The following SNX29 variants were observed in gnomAD, a reference collection of about 807,000 sequenced individuals.
The protein encoded by SNX29 is sorting nexin-29.
Under a neutral mutation model 102.1 loss-of-function variants are expected in SNX29, and 78 were observed. That is an observed-to-expected ratio of 0.76 (90% CI 0.64 to 0.92). The LOEUF (loss-of-function observed/expected upper bound fraction) is 0.92, where lower values mean the gene tolerates loss of function less well. Ranked by LOEUF, SNX29 falls within the 40% of genes least tolerant of loss-of-function variation. The pLI is 0.00. For missense variants in SNX29, 1,280 were observed against 1,061.7 expected (o/e 1.21, Z -2.86); for synonymous variants, 580 against 414.5 (o/e 1.40, Z -4.85).
intron 15 of SNX29, among the ~76,000 whole-genome samples, chr16:12,351,424 C>T (rs545957276): frequency 1.3e-5 from 2 of 152,246 alleles, no homozygotes; most frequent in East Asian, 3.9e-4. Flanking sequence ...ATGTGACCCC[C>T]AAAGAGCCTC....
rs568696853 is a variant in SNX29 at position 12,513,477 on chromosome 16, A to G, written c.2179-11225A>G. Among the ~76,000 whole-genome samples the G allele has an allele frequency of 1.3e-4, 19 of 149,648 alleles. No individual in the cohort carries two copies. In the South Asian group the frequency reaches 4.0e-3, roughly 32 times the overall value. On this transcript the variant is annotated intron_variant, in intron 19 of 20. Transcript: ENST00000566228. Reference sequence around the variant, plus strand: ...CCTCTGCTCTCTCCTTCCCTTCCGTACCCTTGCAAAACACCTTCAGCTAAA... The same window carrying G: ...CCTCTGCTCTCTCCTTCCCTTCCGTGCCCTTGCAAAACACCTTCAGCTAAA...
At chr16:12,204,053 C>A (rs993121299) in intron 14 of SNX29, among the ~76,000 whole-genome samples, 3 of 152,180 alleles carry the variant, frequency 2.0e-5, no homozygotes, top group Admixed American at 6.5e-5. Context: ...AGAATTCTTG[C>A]TTTCCTGTTA....
At chr16:12,408,010 TA>T (rs1182337513) in intron 18 of SNX29, among the ~76,000 whole-genome samples, 2 of 151,870 alleles carry the variant, frequency 1.3e-5, no homozygotes, top group Non-Finnish European at 2.9e-5. Flanking sequence ...ATGTAAAAAT[TA>T]ACTGGGCATG....
intron 20 of SNX29, 133 bp downstream of exon 20, chr16:12,524,974 G>T: frequency 5.4e-6 from 7 of 1,302,548 alleles, no homozygotes; most frequent in Non-Finnish European, 7.3e-6. Flanking sequence ...AACTCCAGGG[G>T]CTGTTCCAGG....
chr16:12,536,467 GTTTAC>G (rs901731159), intron 20 of SNX29, among the ~76,000 whole-genome samples: 3 of 152,098 alleles, frequency 2.0e-5, no homozygotes, highest in Admixed American at 6.5e-5. Flanking sequence ...AGGCTATGCC[GTTTAC>G]TTTATCAGTG....
intron 18 of SNX29, among the ~76,000 whole-genome samples, chr16:12,409,776 G>T (rs772821517): frequency 6.6e-6 from 1 of 152,140 alleles, no homozygotes; most frequent in Non-Finnish European, 1.5e-5. Flanking sequence ...TAATACATCA[G>T]TGTACTTACC....
chr16:12,331,529 T>G (rs1412151402), intron 15 of SNX29, among the ~76,000 whole-genome samples: 1 of 152,086 alleles, frequency 6.6e-6, no homozygotes, highest in East Asian at 1.9e-4. Context: ...ACCTGTGAAA[T>G]GAGAACACAG....
chr16:12,113,009 A>G (rs2053558486), intron 11 of SNX29, among the ~76,000 whole-genome samples: 1 of 152,200 alleles, frequency 6.6e-6, no homozygotes, highest in African/African-American at 2.4e-5. Context: ...CAGGAGATCC[A>G]CATGATTCCC....
intron 14 of SNX29, among the ~76,000 whole-genome samples, chr16:12,268,749 T>G (rs1226590683): frequency 6.6e-6 from 1 of 152,192 alleles, no homozygotes; most frequent in African/African-American, 2.4e-5. Context: ...TCACACTGTT[T>G]GCATCTGGGT....
intron 15 of SNX29, among the ~76,000 whole-genome samples, chr16:12,281,736 G>A (rs1463691651): frequency 6.6e-6 from 1 of 152,002 alleles, no homozygotes; most frequent in Non-Finnish European, 1.5e-5. Flanking sequence ...ACAAAGCTTT[G>A]GGAAGTTTAG....
At chr16:12,218,075 G>C (rs1301440283) in intron 14 of SNX29, among the ~76,000 whole-genome samples, 1 of 150,640 alleles carries the variant, frequency 6.6e-6, no homozygotes, top group African/African-American at 2.5e-5. Context: ...ATTATGGAAG[G>C]CTCTATTATT....
chr16:12,430,432 G>A (rs73517996), intron 18 of SNX29, among the ~76,000 whole-genome samples: 8,249 of 152,264 alleles, frequency 0.054, 515 homozygotes, highest in African/African-American at 0.15. Flanking sequence ...GAGGGGCAGT[G>A]ACCTTGGGAT....
At chr16:12,124,253 G>T (rs1334175616) in intron 11 of SNX29, among the ~76,000 whole-genome samples, 1 of 151,728 alleles carries the variant, frequency 6.6e-6, no homozygotes, top group Non-Finnish European at 1.5e-5. Flanking sequence ...GTACGTGGGA[G>T]ACTGAGGCAG....
intron 13 of SNX29, among the ~76,000 whole-genome samples, chr16:12,157,937 C>T (rs1243064284): frequency 2.6e-5 from 4 of 152,200 alleles, no homozygotes; most frequent in Non-Finnish European, 5.9e-5. Flanking sequence ...CCGTGATTCC[C>T]TCCAGTGCTT....
intron 15 of SNX29, among the ~76,000 whole-genome samples, chr16:12,316,877 G>T (rs2080762425): frequency 6.6e-6 from 1 of 152,218 alleles, no homozygotes; most frequent in East Asian, 1.9e-4. Context: ...CTTTGGGAAG[G>T]TATGGAGGGG....
At chr16:12,527,415 T>C (rs762004375) in intron 20 of SNX29, 15 of 442,614 alleles carry the variant, frequency 3.4e-5, no homozygotes, top group South Asian at 3.0e-4. Context: ...AGCATAATTA[T>C]TCTTATAAAT....
chr16:12,048,708 C>T, intron 7 of SNX29, 88 bp downstream of exon 7: 1 of 1,608,004 alleles, frequency 6.2e-7, no homozygotes, highest in Non-Finnish European at 8.5e-7. Context: ...GAAAGTCATT[C>T]CAAGGGGAAT....
At chr16:12,422,838 C>T (rs1408211062) in intron 18 of SNX29, among the ~76,000 whole-genome samples, 1 of 152,192 alleles carries the variant, frequency 6.6e-6, no homozygotes, top group Non-Finnish European at 1.5e-5. Flanking sequence ...TGAAGCCTGG[C>T]ATGGAGCTGG....
At chr16:12,275,881 GTTTTTT>G (rs34099498) in intron 14 of SNX29, among the ~76,000 whole-genome samples, 15 of 104,080 alleles carry the variant, frequency 1.4e-4, no homozygotes, top group African/African-American at 3.4e-4. Flanking sequence ...CATTTTAATT[GTTTTTT>G]TTTTTTTTTT....
Sources: allele counts gnomAD v4.1 joint callset (sites outside exome capture counted in the v4.1 genomes callset), GRCh38; gene constraint gnomAD v4.1.1; transcripts MANE v1.5; gene names NCBI Gene and HGNC (gene_info 2026-07-23, HGNC 2026-07-21).